Variants in NTM observed in about 807,000 individuals in gnomAD.
NTM encodes neurotrimin.
Under a neutral mutation model 42.1 loss-of-function variants are expected in NTM, and 13 were observed. The ratio of observed to expected loss-of-function variants is 0.31; its 90% CI spans 0.20 to 0.49. The LOEUF is 0.49. Among genes scored for constraint, NTM ranks in the 20% least tolerant of loss-of-function variants. The probability of loss-of-function intolerance (pLI) is 0.99; values close to 1 mark genes in which losing one functional copy is unlikely to be tolerated. For missense variants in NTM, 373 were observed against 452.8 expected (o/e 0.82, Z 1.60); for synonymous variants, 187 against 179.2 (o/e 1.04, Z -0.35).
At chr11:132,211,866 C>T (rs545715026) in intron 3 of NTM, 156 bp from the exon 4 acceptor site, 21 of 608,978 alleles carry the variant, frequency 3.4e-5, no homozygotes, top group Middle Eastern at 5.0e-4. Context: ...AAAGGTAAGA[C>T]TTTTTTATGT....
At chr11:131,379,472 G>A (rs1942384905) in intron 1 of NTM, among the ~76,000 whole-genome samples, 1 of 152,168 alleles carries the variant, frequency 6.6e-6, no homozygotes, top group African/African-American at 2.4e-5. Context: ...ATTGCCTTGA[G>A]CCAAACCTGG....
chr11:131,487,767 C>A (rs1004163772), intron 1 of NTM, among the ~76,000 whole-genome samples: 14 of 152,140 alleles, frequency 9.2e-5, no homozygotes, highest in African/African-American at 3.4e-4. Context: ...TGTTTTGGAG[C>A]TGAGGGGAAG....
At chr11:131,585,552 A>T (rs550723527) in intron 1 of NTM, among the ~76,000 whole-genome samples, 1 of 152,320 alleles carries the variant, frequency 6.6e-6, no homozygotes, top group African/African-American at 2.4e-5. Context: ...TAGCAAGCAC[A>T]GTTGTGAGTG....
intron 2 of NTM, among the ~76,000 whole-genome samples, chr11:132,032,842 A>T (rs1394540395): frequency 1.3e-4 from 20 of 152,140 alleles, no homozygotes; most frequent in Admixed American, 1.3e-3. Flanking sequence ...TATTATGTTG[A>T]TGTTATGTGT....
chr11:131,598,175 A>G (rs2059977314), intron 1 of NTM, among the ~76,000 whole-genome samples: 1 of 139,712 alleles, frequency 7.2e-6, no homozygotes, highest in East Asian at 2.3e-4. Flanking sequence ...CTCACAGTTT[A>G]TCAGAGGTGG....
intron 1 of NTM, among the ~76,000 whole-genome samples, chr11:131,829,101 C>T (rs543114228): frequency 9.9e-5 from 15 of 151,938 alleles, no homozygotes; most frequent in Non-Finnish European, 2.1e-4. Context: ...AAGCTTAGAC[C>T]CAGTAATGAG....
intron 3 of NTM, among the ~76,000 whole-genome samples, chr11:132,179,588 A>T (rs936526638): frequency 2.6e-5 from 4 of 152,212 alleles, no homozygotes; most frequent in Non-Finnish European, 5.9e-5. Flanking sequence ...TCAAAATGTT[A>T]TAAGCAGATG....
intron 1 of NTM, among the ~76,000 whole-genome samples, chr11:131,567,100 A>G (rs1231740509): frequency 6.6e-6 from 1 of 152,020 alleles, no homozygotes; most frequent in East Asian, 1.9e-4. Flanking sequence ...CTCCCGTTCT[A>G]TTTCACCTAA....
intron 1 of NTM, among the ~76,000 whole-genome samples, chr11:131,493,965 A>T (rs138398833): frequency 5.5e-4 from 83 of 152,150 alleles, no homozygotes; most frequent in Non-Finnish European, 1.0e-3. Flanking sequence ...TTTCTCCTCA[A>T]ATACCTTTTA....
At chr11:131,741,775 G>T (rs921099806) in intron 1 of NTM, among the ~76,000 whole-genome samples, 1 of 152,124 alleles carries the variant, frequency 6.6e-6, no homozygotes, top group Non-Finnish European at 1.5e-5. Flanking sequence ...TGCTTCCTTC[G>T]ATAGCTCAGC....
chr11:131,600,104 T>C (rs548304582), intron 1 of NTM, among the ~76,000 whole-genome samples: 1 of 152,198 alleles, frequency 6.6e-6, no homozygotes, highest in Non-Finnish European at 1.5e-5. Context: ...GTTATAGATA[T>C]GAAATTATTA....
At chr11:132,139,823 ATAAT>A (rs992211233) in intron 2 of NTM, among the ~76,000 whole-genome samples, 1 of 152,088 alleles carries the variant, frequency 6.6e-6, no homozygotes, top group African/African-American at 2.4e-5. Flanking sequence ...TTTTAATCAA[ATAAT>A]TAATCAGTGG....
chr11:132,015,265 G>C (rs564051355), intron 2 of NTM, among the ~76,000 whole-genome samples: 1 of 152,000 alleles, frequency 6.6e-6, no homozygotes, highest in African/African-American at 2.4e-5. Context: ...CTGATTTTAT[G>C]CCAATACCAT....
chr11:132,319,462 A>G (rs955076663), intron 7 of NTM, among the ~76,000 whole-genome samples: 3 of 152,232 alleles, frequency 2.0e-5, no homozygotes, highest in Admixed American at 6.5e-5. Flanking sequence ...CGGCACACCA[A>G]GAGATTATAT....
intron 1 of NTM, among the ~76,000 whole-genome samples, chr11:131,862,880 A>G (rs2046786784): frequency 6.6e-6 from 1 of 152,198 alleles, no homozygotes; most frequent in Admixed American, 6.5e-5. Context: ...TCTGGTTGCT[A>G]TCCTCCATGC....
intron 1 of NTM, among the ~76,000 whole-genome samples, chr11:131,826,378 G>A (rs61474656): frequency 0.081 from 12,269 of 151,914 alleles, 1,479 homozygotes; most frequent in African/African-American, 0.26. Context: ...ATGAGTCCCA[G>A]AAAAGCAATT....
intron 1 of NTM, among the ~76,000 whole-genome samples, chr11:131,812,554 G>T (rs893566782): frequency 1.3e-5 from 2 of 152,022 alleles, no homozygotes; most frequent in African/African-American, 2.4e-5. Flanking sequence ...AGGGACTGGG[G>T]CACAACACAC....
At chr11:132,152,412 C>T (rs910420317) in intron 3 of NTM, among the ~76,000 whole-genome samples, 4 of 152,332 alleles carry the variant, frequency 2.6e-5, no homozygotes, top group Admixed American at 6.5e-5. Flanking sequence ...TGGGGGCATA[C>T]TGATCATCCC....
At chr11:131,586,213 C>T (rs2058844313) in intron 1 of NTM, among the ~76,000 whole-genome samples, 1 of 152,142 alleles carries the variant, frequency 6.6e-6, no homozygotes, top group Admixed American at 6.5e-5. Context: ...TCAAGCAATC[C>T]TCCCATCTCA....
Sources: gnomAD v4.1 joint callset for allele counts (sites outside exome capture counted in the v4.1 genomes callset) on GRCh38, gnomAD v4.1.1 for gene constraint, MANE v1.5 for transcripts, NCBI Gene and HGNC (gene_info 2026-07-23, HGNC 2026-07-21) for gene names.